Variants in GTF2A1 observed in about 807,000 individuals in gnomAD.
The protein encoded by GTF2A1 is transcription initiation factor IIA subunit 1.
A neutral mutation model predicts 54.1 loss-of-function variants in GTF2A1; 12 were observed. The observed-to-expected ratio is 0.22, with a 90% CI of 0.14 to 0.36. The LOEUF (loss-of-function observed/expected upper bound fraction) is 0.36. Ranked by LOEUF, GTF2A1 falls within the 10% of genes least tolerant of loss-of-function variation. GTF2A1 has a pLI of 1.00. For synonymous variants in GTF2A1, 145 were observed against 152.0 expected (o/e 0.95, Z 0.34); for missense variants, 335 against 442.2 (o/e 0.76, Z 2.17).
chr14:81,214,510 G>A (rs952241775), intron 2 of GTF2A1, among the ~76,000 whole-genome samples: 4 of 151,956 alleles, frequency 2.6e-5, no homozygotes, highest in Non-Finnish European at 5.9e-5. Context: ...GCCAGGCGTC[G>A]TGGCGGGCGC....
intron 2 of GTF2A1, among the ~76,000 whole-genome samples, chr14:81,210,500 T>C (rs61980899): frequency 0.4 from 61,420 of 151,954 alleles, 14,678 homozygotes; most frequent in Middle Eastern, 0.55. Context: ...ATAAAATAAA[T>C]AAAATAAACA....
chr14:81,202,017 T>G (rs905204690), intron 3 of GTF2A1, among the ~76,000 whole-genome samples: 4 of 151,690 alleles, frequency 2.6e-5, no homozygotes, highest in African/African-American at 7.3e-5. Flanking sequence ...AAAAAATTAG[T>G]TGGGTGTCAG....
chr14:81,199,137 T>C (rs1197727911), intron 4 of GTF2A1, among the ~76,000 whole-genome samples: 1 of 152,210 alleles, frequency 6.6e-6, no homozygotes, highest in Non-Finnish European at 1.5e-5. Flanking sequence ...CAAAAATATT[T>C]AGAAATATTA....
chr14:81,196,013 A>T (rs1392484218), intron 6 of GTF2A1, 95 bp downstream of exon 6: 2 of 1,074,250 alleles, frequency 1.9e-6, no homozygotes, highest in African/African-American at 1.6e-5. Flanking sequence ...ACTGAAAAAG[A>T]GTCTTTTGTG....
At chr14:81,186,241 G>A (rs1566851346) in intron 7 of GTF2A1, among the ~76,000 whole-genome samples, 1 of 152,168 alleles carries the variant, frequency 6.6e-6, no homozygotes, top group Non-Finnish European at 1.5e-5. Flanking sequence ...GACCTAATAT[G>A]AAGGTTCAAA....
In GTF2A1 at chr14:81,186,913, A is replaced by C. The variant is rs377636117; in HGVS notation, c.934-1293T>G. 3.3e-5 allele frequency among the ~76,000 whole-genome samples: 5 copies of C among 151,826 alleles called. No homozygotes were observed. In the East Asian group the frequency reaches 7.7e-4, roughly 23 times the overall value. On this transcript the variant is annotated intron_variant, in intron 7 of 8. Coordinates refer to ENST00000553612, the MANE Select transcript of GTF2A1 (RefSeq NM_015859.4). ...CTATGAGCCTTGATCACACCATTGC[A>C]CTCCAGCCTGGACAACAACCTGAGA...
chr14:81,206,223 C>T (rs1893226546), intron 2 of GTF2A1, among the ~76,000 whole-genome samples: 1 of 152,182 alleles, frequency 6.6e-6, no homozygotes, highest in African/African-American at 2.4e-5. Context: ...CACCATGACT[C>T]ACCTAGACTC....
intron 2 of GTF2A1, among the ~76,000 whole-genome samples, chr14:81,215,719 G>C (rs77275032): frequency 0.012 from 1,764 of 152,206 alleles, 43 homozygotes; most frequent in African/African-American, 0.041. Context: ...TTAGAATACA[G>C]GTACATTAAG....
intron 2 of GTF2A1, among the ~76,000 whole-genome samples, chr14:81,211,877 ATATATAT>A (rs1893375157): frequency 4.0e-5 from 1 of 24,776 alleles, no homozygotes; most frequent in Admixed American, 5.9e-4. Context: ...CAAGTACTTT[ATATATAT>A]ATATATATAT....
At chr14:81,182,218 T>G (rs1424375076) in intron 8 of GTF2A1, among the ~76,000 whole-genome samples, 1 of 152,110 alleles carries the variant, frequency 6.6e-6, no homozygotes, top group African/African-American at 2.4e-5. Flanking sequence ...ACAATAAAGG[T>G]AAAACAGCAG....
rs189568115 is a variant in GTF2A1 at position 81,178,262 on chromosome 14, G to A, written c.*1961C>T. On this transcript the variant is annotated 3_prime_UTR_variant, in exon 9 of 9. Coordinates refer to ENST00000553612, the MANE Select transcript of GTF2A1 (RefSeq NM_015859.4). ...TGCTGAATTTTTATAGGTAGTTCAG[G>A]TCACTGACTTCCTTACTGAGTAAAT... 4.3e-4 allele frequency: 66 copies of A among 151,990 alleles called. No individual in the cohort carries two copies. In the East Asian group the frequency reaches 0.012, roughly 28 times the overall value. 9.4% of individuals were successfully genotyped at this position (151,990 alleles called of 1,614,324 possible). A position where few individuals can be genotyped will look rare whatever the true frequency, so the allele number is the denominator to read the frequency against.
chr14:81,212,378 T>C (rs1272441160), intron 2 of GTF2A1, among the ~76,000 whole-genome samples: 1 of 152,170 alleles, frequency 6.6e-6, no homozygotes, highest in Non-Finnish European at 1.5e-5. Context: ...GAATATAGAT[T>C]TACTGAAAAC....
intron 1 of GTF2A1, among the ~76,000 whole-genome samples, chr14:81,219,589 G>A (rs1893566459): frequency 1.3e-5 from 2 of 152,218 alleles, no homozygotes; most frequent in South Asian, 4.1e-4. Flanking sequence ...TCGGGCGGCC[G>A]CGGGCTGGTC....
chr14:81,185,820 C>T (rs910513045), intron 7 of GTF2A1, among the ~76,000 whole-genome samples, 200 bp from the exon 8 acceptor site: 3 of 152,108 alleles, frequency 2.0e-5, no homozygotes, highest in Non-Finnish European at 2.9e-5. Flanking sequence ...ATTAAATTAG[C>T]TAAGCTATGT....
intron 7 of GTF2A1, 146 bp downstream of exon 7, chr14:81,192,373 A>G (rs1440741876): frequency 1.6e-6 from 1 of 630,864 alleles, no homozygotes; most frequent in African/African-American, 1.8e-5. Context: ...ACTAAAGTTA[A>G]AACAATCTAA....
At position 81,177,030 on chromosome 14, in the gene GTF2A1, T is replaced by C. The variant is rs1440493562; in HGVS notation, c.*3193A>G. ...GTATACTCTTAGAGGGAGACAACTC[T>C]TTTCATTCCTCCATAAAAGCCAGGA... is the stretch of plus-strand genomic sequence containing the variant. On this transcript the variant is annotated 3_prime_UTR_variant, in exon 9 of 9. Coordinates refer to ENST00000553612, the MANE Select transcript of GTF2A1 (RefSeq NM_015859.4). 1.3e-5 allele frequency: 2 copies of C among 152,068 alleles called. No individual in the cohort carries two copies. Among genetic ancestry groups the C allele is most frequent in the African/African-American group, 4.8e-5 (2 of 41,438 alleles). The allele number at this position is 152,068 out of a possible 1,614,324, so 9.4% of individuals were successfully genotyped here. A position where few individuals can be genotyped will look rare whatever the true frequency, so the allele number is the denominator to read the frequency against.
At position 81,189,439 on chromosome 14, in the gene GTF2A1, A is replaced by C. The variant is rs1336081054; in HGVS notation, c.933+3080T>G. On this transcript the variant is annotated intron_variant, in intron 7 of 8. Transcript: ENST00000553612. ...ATAATCCCAGCACTTTGGGAGGCCAAGGTGGGCGGATCACGAGGTCAGGAG... is the reference window on the plus strand; with the variant it reads ...ATAATCCCAGCACTTTGGGAGGCCACGGTGGGCGGATCACGAGGTCAGGAG... Among the ~76,000 whole-genome samples, 5 of 152,308 alleles carry C rather than the reference A, an allele frequency of 3.3e-5. No homozygotes were observed. The East Asian group carries it at 7.7e-4, about 24-fold the overall frequency.
At chr14:81,208,044 G>A (rs2140035328) in intron 2 of GTF2A1, among the ~76,000 whole-genome samples, 1 of 152,322 alleles carries the variant, frequency 6.6e-6, no homozygotes, top group African/African-American at 2.4e-5. Flanking sequence ...AAGCTGGCTG[G>A]AGAAATTTGC....
At chr14:81,202,824 AAC>A (rs763632984) in intron 3 of GTF2A1, 6 of 508,032 alleles carry the variant, frequency 1.2e-5, no homozygotes, top group African/African-American at 5.9e-5. Context: ...CAACAGGAAG[AAC>A]AGTCATCAAA....
Sources: allele counts gnomAD v4.1 joint callset (sites outside exome capture counted in the v4.1 genomes callset), GRCh38; gene constraint gnomAD v4.1.1; transcripts MANE v1.5; gene names NCBI Gene and HGNC (gene_info 2026-07-23, HGNC 2026-07-21).